The following C6orf62 variants were observed in gnomAD, a reference collection of about 807,000 sequenced individuals.
C6orf62 encodes the protein chromosome 6 open reading frame 62.
A neutral mutation model predicts 26.8 loss-of-function variants in C6orf62; 16 were observed. The ratio of observed to expected loss-of-function variants is 0.60; its 90% confidence interval spans 0.40 to 0.91. C6orf62 has a LOEUF of 0.91. C6orf62 is among the 40% of genes least tolerant of loss of function. The pLI, the probability that C6orf62 is intolerant of heterozygous loss-of-function variation, is 0.00. For missense variants in C6orf62, 192 were observed against 271.4 expected (o/e 0.71, Z 2.06); for synonymous variants, 112 against 91.5 (o/e 1.22, Z -1.28).
At chr6:24,715,306 G>A (rs181633688) in intron 2 of C6orf62, among the ~76,000 whole-genome samples, 46 of 152,224 alleles carry the variant, frequency 3.0e-4, no homozygotes, top group African/African-American at 1.0e-3. Context: ...GTTCAGGTAT[G>A]CCCAGATTAA....
At chr6:24,720,125 C>A, upstream of C6orf62, 1 of 1,283,260 alleles carries the variant, frequency 7.8e-7, no homozygotes, top group Non-Finnish European at 9.9e-7. Flanking sequence ...TAGTTGTTTC[C>A]CGAGGGGCAG....
In C6orf62 at chr6:24,719,116, A is replaced by G; in HGVS notation, c.-448T>C. ...ATTTTCCCCCCTTTTTAGAAAAGGG[A>G]TTAAGGAACAGGGAGGGGGAAGTGT... On this transcript the variant is annotated 5_prime_UTR_variant, in exon 1 of 5. Transcript: ENST00000378119. 1.1e-6 allele frequency: 1 copy of G among 948,678 alleles called. No individual in the cohort carries two copies. The highest frequency in any genetic ancestry group is 1.8e-5 in the African/African-American group (1 of 54,992). 58.8% of individuals were successfully genotyped at this position (948,678 alleles called of 1,614,324 possible).
intron 4 of C6orf62, chr6:24,707,178 T>C (rs1049725017): frequency 4.6e-5 from 7 of 152,228 alleles, no homozygotes; most frequent in African/African-American, 1.4e-4. Context: ...TAATTTTAAA[T>C]GTAACAACCT....
chr6:24,709,587 T>C (rs766268891), intron 3 of C6orf62: 40 of 984,936 alleles, frequency 4.1e-5, no homozygotes, highest in African/African-American at 5.3e-5. Flanking sequence ...AACTGAAATA[T>C]AGTTTTGCTC....
Position 24,706,117 on chromosome 6 carries a change from C to A in C6orf62, c.*20G>T. The A allele has an allele frequency of 6.2e-7, 1 of 1,608,924 alleles. No homozygotes were observed. The highest frequency in any genetic ancestry group is 1.1e-5 in the South Asian group (1 of 89,716). On this transcript the variant is annotated 3_prime_UTR_variant, in exon 5 of 5. Transcript: ENST00000378119. ...CTGCTGCTGCATTCTCTGATCTTCTCCATTTTGCTGGTCAGTACTCTACTC... is the reference window on the plus strand; with the variant it reads ...CTGCTGCTGCATTCTCTGATCTTCTACATTTTGCTGGTCAGTACTCTACTC...
chr6:24,712,127 G>A (rs959080238), intron 3 of C6orf62, among the ~76,000 whole-genome samples: 13 of 152,114 alleles, frequency 8.5e-5, no homozygotes, highest in African/African-American at 2.2e-4. Flanking sequence ...GCTCATACCC[G>A]TAATCCCACC....
At chr6:24,720,550 T>C (rs944673049), upstream of C6orf62, 4 of 255,780 alleles carry the variant, frequency 1.6e-5, no homozygotes, top group Admixed American at 6.4e-5. Context: ...GGGAGTTGGA[T>C]TGGTACTGGC....
At chr6:24,716,683 T>C (rs1779236637) in intron 1 of C6orf62, among the ~76,000 whole-genome samples, 1 of 152,158 alleles carries the variant, frequency 6.6e-6, no homozygotes, top group Non-Finnish European at 1.5e-5. Context: ...TTTCCATTAC[T>C]TTCTCAATAT....
At chr6:24,709,429 A>G in intron 3 of C6orf62, 1 of 984,524 alleles carries the variant, frequency 1.0e-6, no homozygotes, top group Non-Finnish European at 1.2e-6. Flanking sequence ...AAAAAAAATA[A>G]ATCTGTTTAT....
At chr6:24,720,173 G>C, upstream of C6orf62, 1 of 1,358,078 alleles carries the variant, frequency 7.4e-7, no homozygotes, top group Non-Finnish European at 9.4e-7. Flanking sequence ...GGTGGGTGAC[G>C]GGGAAATCCC....
chr6:24,709,766 G>A (rs1452164019), intron 3 of C6orf62: 1 of 985,432 alleles, frequency 1.0e-6, no homozygotes, highest in South Asian at 4.7e-5. Context: ...TATCTGTTGG[G>A]CATGGTGAGA....
In C6orf62 at chr6:24,718,847, T is replaced by C. The variant is rs1779292587; in HGVS notation, c.-179A>G. On this transcript the variant is annotated 5_prime_UTR_variant, in exon 1 of 5. It adds an upstream start codon to the 5' untranslated region. Coordinates refer to ENST00000378119, the MANE Select transcript of C6orf62 (RefSeq NM_030939.5). ...TTCTGTCAATATTAGCAGACTGTCATATTACAGGGTCAAGAAACAAAAGCT... is the reference window on the plus strand; with the variant it reads ...TTCTGTCAATATTAGCAGACTGTCACATTACAGGGTCAAGAAACAAAAGCT... 5 of 1,443,382 alleles carry C rather than the reference T, an allele frequency of 3.5e-6. No individual in the cohort carries two copies. The highest frequency in any genetic ancestry group is 3.0e-5 in the Admixed American group (1 of 33,740). 89.4% of individuals were successfully genotyped at this position (1,443,382 alleles called of 1,614,324 possible). A position where few individuals can be genotyped will look rare whatever the true frequency, so the allele number is the denominator to read the frequency against.
intron 4 of C6orf62, chr6:24,706,841 A>G (rs889088113): frequency 1.3e-5 from 2 of 153,164 alleles, no homozygotes; most frequent in African/African-American, 4.8e-5. Context: ...CAGGAGGTCA[A>G]GGCTGCGGTG....
At chr6:24,720,024 C>T (rs1779323177), upstream of C6orf62, 5 of 1,476,724 alleles carry the variant, frequency 3.4e-6, no homozygotes, top group East Asian at 5.0e-5. Flanking sequence ...CCCACCCACC[C>T]TCCCCCCAAA....
intron 1 of C6orf62, among the ~76,000 whole-genome samples, chr6:24,717,967 G>A (rs754449753): frequency 1.5e-4 from 23 of 152,102 alleles, no homozygotes; most frequent in Admixed American, 3.9e-4. Flanking sequence ...GTCATTTTGA[G>A]TTTTTAAAAA....
Position 24,705,994 on chromosome 6 carries a change from C to G in C6orf62, c.*143G>C. 1 of 1,223,360 alleles carries G rather than the reference C, an allele frequency of 8.2e-7. No individual in the cohort carries two copies. The highest frequency in any genetic ancestry group is 1.1e-6 in the Non-Finnish European group (1 of 921,112). The allele number at this position is 1,223,360 out of a possible 1,614,324, so 75.8% of individuals were successfully genotyped here. A position where few individuals can be genotyped will look rare whatever the true frequency, so the allele number is the denominator to read the frequency against. On this transcript the variant is annotated 3_prime_UTR_variant, in exon 5 of 5. Coordinates refer to ENST00000378119, the MANE Select transcript of C6orf62 (RefSeq NM_030939.5). Reference sequence around the variant, plus strand: ...TGAGATAAAAATGATTTAAAAAAATCCAGGATGAACAAGTTTCAAAATGCA... The same window carrying G: ...TGAGATAAAAATGATTTAAAAAAATGCAGGATGAACAAGTTTCAAAATGCA...
chr6:24,719,955 G>A, upstream of C6orf62: 3 of 1,550,032 alleles, frequency 1.9e-6, no homozygotes, highest in South Asian at 3.6e-5. Flanking sequence ...AGGGTAAATG[G>A]GAAGGTTCAG....
upstream of C6orf62, chr6:24,719,926 C>A (rs751396038): frequency 6.4e-7 from 1 of 1,550,390 alleles, no homozygotes; most frequent in South Asian, 1.2e-5. Context: ...AATTCCCGCC[C>A]GGGTGGAGTG....
intron 3 of C6orf62, chr6:24,709,412 A>G (rs1385327025): frequency 7.2e-6 from 7 of 972,930 alleles, no homozygotes; most frequent in Non-Finnish European, 7.3e-6. Flanking sequence ...TGCTGTTTCT[A>G]AGAAAAAAAA....
Sources: allele counts gnomAD v4.1 joint callset (sites outside exome capture counted in the v4.1 genomes callset), GRCh38; gene constraint gnomAD v4.1.1; transcripts MANE v1.5; gene names NCBI Gene and HGNC (gene_info 2026-07-23, HGNC 2026-07-21).